KCNMB4: variants seen among roughly 807,000 people sequenced by gnomAD.
KCNMB4 encodes the protein potassium calcium-activated channel subfamily M regulatory beta subunit 4.
KCNMB4 carries 3 observed loss-of-function variants against 20.7 expected under a neutral mutation model. That is an observed-to-expected ratio of 0.14 (90% CI 0.07 to 0.37). KCNMB4 has a LOEUF of 0.37. Ranked by LOEUF, KCNMB4 falls within the 10% of genes least tolerant of loss-of-function variation. KCNMB4 has a pLI of 1.00. For synonymous variants in KCNMB4, 110 were observed against 113.4 expected (o/e 0.97, Z 0.19); for missense variants, 168 against 265.9 (o/e 0.63, Z 2.56).
At chr12:70,393,043 A>T (rs1868314311) in intron 1 of KCNMB4, among the ~76,000 whole-genome samples, 1 of 152,134 alleles carries the variant, frequency 6.6e-6, no homozygotes, top group Non-Finnish European at 1.5e-5. Flanking sequence ...TCTGATCAGG[A>T]GTTATTAAAC....
In KCNMB4 at chr12:70,367,006, A is replaced by G; in HGVS notation, c.272A>G (p.Asn91Ser). The change falls in exon 1 of 3, where the codon AAC becomes AGC. Residue 91 changes from asparagine to serine, a missense_variant. By Grantham distance (46) the Asn-to-Ser change is conservative. Transcript: ENST00000258111. ...CCCTGCGTCCAGGTCTACGTGAACA[A>G]CTCTGAGTCCAACTCTAGGGCGCTG... ...QYPCVQVYVN[N>S]SESNSRALLH... 1 of 1,593,842 alleles carries G rather than the reference A, an allele frequency of 6.3e-7. No individual in the cohort carries two copies. Among genetic ancestry groups the G allele is most frequent in the South Asian group, 1.1e-5 (1 of 89,354 alleles).
At position 70,383,805 on chromosome 12, in the gene KCNMB4, A is replaced by G. The variant is rs573541858; in HGVS notation, c.337-16404A>G. Among the ~76,000 whole-genome samples the G allele has an allele frequency of 2.0e-5, 3 of 152,312 alleles. No homozygotes were observed. In the East Asian group the frequency reaches 5.8e-4, roughly 29 times the overall value. On this transcript the variant is annotated intron_variant, in intron 1 of 2. Transcript: ENST00000258111. ...CCAGTACAGCCAGGTGCGGTGGCTT[A>G]CGCCTGTAATCCCAGCACTTTGGGA...
chr12:70,381,910 A>G (rs549834593), intron 1 of KCNMB4, among the ~76,000 whole-genome samples: 1 of 152,352 alleles, frequency 6.6e-6, no homozygotes, highest in East Asian at 1.9e-4. Flanking sequence ...TTGCCCAAAA[A>G]ATAATAATGA....
At chr12:70,409,829 G>A (rs1288256569) in intron 2 of KCNMB4, among the ~76,000 whole-genome samples, 1 of 152,206 alleles carries the variant, frequency 6.6e-6, no homozygotes, top group East Asian at 1.9e-4. Flanking sequence ...GTGGTTTTAG[G>A]TACTGGAAGG....
At chr12:70,421,470 G>GAAAAAAAA (rs61303899) in intron 2 of KCNMB4, among the ~76,000 whole-genome samples, 1 of 75,672 alleles carries the variant, frequency 1.3e-5, no homozygotes, top group Non-Finnish European at 2.4e-5. Context: ...TCTCAAAAAA[G>GAAAAAAAA]AAAAAAAAAA....
At chr12:70,399,743 A>G (rs571676136) in intron 1 of KCNMB4, among the ~76,000 whole-genome samples, 2 of 152,330 alleles carry the variant, frequency 1.3e-5, no homozygotes, top group African/African-American at 4.8e-5. Context: ...GTACGAAAAG[A>G]AAACTTGGGT....
At chr12:70,401,820 T>C (rs1271135318) in intron 2 of KCNMB4, among the ~76,000 whole-genome samples, 2 of 152,052 alleles carry the variant, frequency 1.3e-5, no homozygotes, top group Non-Finnish European at 2.9e-5. Context: ...GTAGGCTAGA[T>C]TGCCTTCCTT....
chr12:70,408,732 C>T (rs1196381451), intron 2 of KCNMB4, among the ~76,000 whole-genome samples: 1 of 152,094 alleles, frequency 6.6e-6, no homozygotes, highest in African/African-American at 2.4e-5. Flanking sequence ...CCTCCCTTAA[C>T]CTCGAGGCTC....
chr12:70,369,671 G>A, intron 1 of KCNMB4, among the ~76,000 whole-genome samples: 1 of 152,164 alleles, frequency 6.6e-6, no homozygotes, highest in Non-Finnish European at 1.5e-5. Context: ...GGCAGGAGAG[G>A]GAAAGAATAC....
intron 1 of KCNMB4, among the ~76,000 whole-genome samples, chr12:70,383,647 A>G (rs558041994): frequency 4.6e-5 from 7 of 152,274 alleles, no homozygotes; most frequent in African/African-American, 1.4e-4. Context: ...CTTCCTAGCA[A>G]TGGTTGTTTC....
At position 70,366,791 on chromosome 12, in the gene KCNMB4, G is replaced by T; in HGVS notation, c.57G>T (p.Arg19=). 6.2e-7 allele frequency: 1 copy of T among 1,612,062 alleles called. No homozygotes were observed. The highest frequency in any genetic ancestry group is 8.5e-7 in the Non-Finnish European group (1 of 1,179,862). The change falls in exon 1 of 3, where the codon CGG becomes CGT. Residue 19 remains arginine (R), a synonymous_variant. Coordinates refer to ENST00000258111, the MANE Select transcript of KCNMB4 (RefSeq NM_014505.6). ...CGGAAGCCGAGGACAAGAGCATCCGGCTCGGCTTGTTTCTCATCATCTCCG... is the reference window on the plus strand; with the variant it reads ...CGGAAGCCGAGGACAAGAGCATCCGTCTCGGCTTGTTTCTCATCATCTCCG... ...EYTEAEDKSI[R]LGLFLIISGV...
At chr12:70,385,588 G>A (rs1868250752) in intron 1 of KCNMB4, among the ~76,000 whole-genome samples, 1 of 152,144 alleles carries the variant, frequency 6.6e-6, no homozygotes, top group Non-Finnish European at 1.5e-5. Flanking sequence ...TTCAACGAGT[G>A]CAGAATTGTC....
At chr12:70,407,182 G>T (rs1868628396) in intron 2 of KCNMB4, among the ~76,000 whole-genome samples, 1 of 152,070 alleles carries the variant, frequency 6.6e-6, no homozygotes, top group African/African-American at 2.4e-5. Context: ...TGCTAGAATG[G>T]CTCACAGAAC....
chr12:70,413,433 C>A lies in KCNMB4; in HGVS notation c.464+13097C>A, dbSNP rs1868835319. Among the ~76,000 whole-genome samples, 3 of 152,294 alleles carry A rather than the reference C, an allele frequency of 2.0e-5. No individual in the cohort carries two copies. The South Asian group carries it at 6.2e-4, about 32-fold the overall frequency. ...AGGACAAGTAGGTCATAGAGTGCAG[C>A]ATCATCAGATGGTGGAATGCAGGGC... On this transcript the variant is annotated intron_variant, in intron 2 of 2. Coordinates refer to ENST00000258111, the MANE Select transcript of KCNMB4 (RefSeq NM_014505.6).
chr12:70,376,726 G>A (rs1420094894), intron 1 of KCNMB4, among the ~76,000 whole-genome samples: 7 of 145,768 alleles, frequency 4.8e-5, no homozygotes, highest in Non-Finnish European at 7.5e-5. Context: ...AAAACAAAAC[G>A]CCAGATGTCA....
intron 2 of KCNMB4, among the ~76,000 whole-genome samples, chr12:70,409,023 C>T (rs1868693411): frequency 1.3e-5 from 2 of 152,166 alleles, no homozygotes; most frequent in South Asian, 2.1e-4. Flanking sequence ...TTGAAAATAA[C>T]TATTCATTCT....
At chr12:70,427,087 G>A (rs1008959070) in intron 2 of KCNMB4, among the ~76,000 whole-genome samples, 10 of 152,190 alleles carry the variant, frequency 6.6e-5, no homozygotes, top group African/African-American at 9.6e-5. Context: ...GTCAGCTCCC[G>A]TCATGCCATT....
intron 1 of KCNMB4, among the ~76,000 whole-genome samples, chr12:70,369,826 G>A (rs976142576): frequency 6.6e-6 from 1 of 152,120 alleles, no homozygotes; most frequent in Non-Finnish European, 1.5e-5. Context: ...ATTGTCTAAA[G>A]CAATCACTAT....
intron 1 of KCNMB4, among the ~76,000 whole-genome samples, chr12:70,374,262 ATTTTGT>A (rs1419236252): frequency 1.3e-5 from 2 of 152,156 alleles, no homozygotes; most frequent in African/African-American, 4.8e-5. Flanking sequence ...AAGTTGACAC[ATTTTGT>A]TTATTTAAAA....
Sources: allele counts gnomAD v4.1 joint callset (sites outside exome capture counted in the v4.1 genomes callset), GRCh38; gene constraint gnomAD v4.1.1; transcripts MANE v1.5; gene names NCBI Gene and HGNC (gene_info 2026-07-23, HGNC 2026-07-21).